Variants in HBS1L observed in about 807,000 individuals in gnomAD.
The protein encoded by HBS1L is HBS1 like translational GTPase.
HBS1L carries 55 observed loss-of-function variants against 88.9 expected under a neutral mutation model. The observed-to-expected ratio is 0.62, with a 90% confidence interval of 0.50 to 0.77. The LOEUF (loss-of-function observed/expected upper bound fraction) is 0.77, where lower values mean the gene tolerates loss of function less well. Ranked by LOEUF, HBS1L falls within the 30% of genes least tolerant of loss-of-function variation. The probability of loss-of-function intolerance (pLI) is 0.00; values close to 1 mark genes in which losing one functional copy is unlikely to be tolerated. For synonymous variants in HBS1L, 267 were observed against 288.5 expected, an observed-to-expected ratio of 0.93 and a Z score of 0.76; for missense variants, 741 against 829.3, an observed-to-expected ratio of 0.89 and a Z score of 1.31.
chr6:135,021,530 C>T (rs1234867937), intron 4 of HBS1L, among the ~76,000 whole-genome samples: 1 of 151,950 alleles, frequency 6.6e-6, no homozygotes, highest in African/African-American at 2.4e-5. Flanking sequence ...TACCAATTCT[C>T]TATACATGAA....
intron 8 of HBS1L, among the ~76,000 whole-genome samples, chr6:134,989,514 T>C (rs1453574511): frequency 6.6e-6 from 1 of 152,222 alleles, no homozygotes; most frequent in African/African-American, 2.4e-5. Context: ...GACCCTTTAC[T>C]TCTGTGCTCT....
intron 4 of HBS1L, chr6:135,036,817 G>GGT (rs1306980631): frequency 1.3e-6 from 2 of 1,551,656 alleles, no homozygotes; most frequent in Non-Finnish European, 1.7e-6. Context: ...GAGAGAAAAA[G>GGT]GTGGTTTCCT....
Position 134,969,243 on chromosome 6 carries a change from CT to C in HBS1L, c.1892del (p.Lys631SerfsTer5), listed in dbSNP as rs1420560073. 1 of 1,605,372 alleles carries C rather than the reference CT, an allele frequency of 6.2e-7. No individual in the cohort carries two copies. The highest frequency in any genetic ancestry group is 2.2e-5 in the East Asian group (1 of 44,796). On this transcript the variant is annotated frameshift_variant, in exon 16 of 18. Coordinates refer to ENST00000367837, the MANE Select transcript of HBS1L (RefSeq NM_006620.4). LOFTEE classifies it high-confidence loss of function. ...TTCTGTATTAAAACACTCACTTAGG[CT>C]TTTTCTTTGTGACTTCACCCGTGCT... is the stretch of plus-strand genomic sequence containing the variant. ...NKSTGEVTKK[K>X]PKFLTKGQNA...
rs1774268214 is a variant in HBS1L, at chr6:134,964,957, A to G, written c.*322T>C. On this transcript the variant is annotated 3_prime_UTR_variant, in exon 18 of 18. Transcript: ENST00000367837. ...GCAAATACATTGTGCTTTGGCCAGAAGTAGAGTTCATTTCATGATGATTCA... is the reference window on the plus strand; with the variant it reads ...GCAAATACATTGTGCTTTGGCCAGAGGTAGAGTTCATTTCATGATGATTCA... 1 of 362,568 alleles carries G rather than the reference A, an allele frequency of 2.8e-6. No individual in the cohort carries two copies. Among genetic ancestry groups the G allele is most frequent in the Admixed American group, 4.6e-5 (1 of 21,916 alleles). The allele number at this position is 362,568 out of a possible 1,614,324, so 22.5% of individuals were successfully genotyped here. A position where few individuals can be genotyped will look rare whatever the true frequency, so the allele number is the denominator to read the frequency against.
chr6:135,003,779 T>C (rs138135764), intron 4 of HBS1L, among the ~76,000 whole-genome samples: 2,104 of 152,104 alleles, frequency 0.014, 66 homozygotes, highest in African/African-American at 0.048. Context: ...GCAGGAGAAC[T>C]GCTTGAACCC....
Position 134,960,579 on chromosome 6 carries a change from T to A in HBS1L, c.*4700A>T, listed in dbSNP as rs535957346. ...GTTATTAATATGAAATTCTCTTAAT[T>A]TTTTTTTACTTGCTTTAAATTCTTT... On this transcript the variant is annotated 3_prime_UTR_variant, in exon 18 of 18. Coordinates refer to ENST00000367837, the MANE Select transcript of HBS1L (RefSeq NM_006620.4). 13 of 152,070 alleles carry A rather than the reference T, an allele frequency of 8.5e-5. No homozygotes were observed. Among genetic ancestry groups the A allele is most frequent in the African/African-American group, 3.1e-4 (13 of 41,528 alleles). The allele number at this position is 152,070 out of a possible 1,614,324, so 9.4% of individuals were successfully genotyped here.
Position 134,961,420 on chromosome 6 carries a change from C to T in HBS1L, c.*3859G>A, listed in dbSNP as rs1415349061. 1 of 152,184 alleles carries T rather than the reference C, an allele frequency of 6.6e-6. No homozygotes were observed. Among genetic ancestry groups the T allele is most frequent in the Non-Finnish European group, 1.5e-5 (1 of 68,026 alleles). The allele number at this position is 152,184 out of a possible 1,614,324, so 9.4% of individuals were successfully genotyped here. ...AGCATTCACACTAGGCGGTGGCGTT[C>T]TCCTGCTGAACATTTAACAATTCTC... On this transcript the variant is annotated 3_prime_UTR_variant, in exon 18 of 18. Transcript: ENST00000367837.
chr6:135,013,715 GACTTT>G (rs747979929), intron 4 of HBS1L, among the ~76,000 whole-genome samples: 7 of 152,104 alleles, frequency 4.6e-5, no homozygotes, highest in Non-Finnish European at 5.9e-5. Flanking sequence ...ATATTTAAGA[GACTTT>G]ACTTTAAAAG....
At position 134,997,459 on chromosome 6, in the gene HBS1L, TCTATTTGCTGC is replaced by T; in HGVS notation, c.726_736del (p.Gln243CysfsTer24). On this transcript the variant is annotated frameshift_variant, in exon 6 of 18. Transcript: ENST00000367837. LOFTEE classifies it high-confidence loss of function. The stretch of plus-strand genomic sequence containing the variant: ...CCGCTTCTCCAGTTCCGCCTTCACA[TCTATTTGCTGC>T]CTCAGCTTGCCAGACTTTTTCACCG... 1 of 1,614,038 alleles carries T rather than the reference TCTATTTGCTGC, an allele frequency of 6.2e-7. No individual in the cohort carries two copies. Among genetic ancestry groups the T allele is most frequent in the Non-Finnish European group, 8.5e-7 (1 of 1,179,990 alleles).
At chr6:135,050,875 T>A (rs963701984) in intron 1 of HBS1L, among the ~76,000 whole-genome samples, 5 of 152,242 alleles carry the variant, frequency 3.3e-5, no homozygotes, top group East Asian at 1.9e-4. Flanking sequence ...TTAAATTAAT[T>A]GGGTTTACCC....
intron 4 of HBS1L, among the ~76,000 whole-genome samples, chr6:135,029,182 T>G (rs1299084882): frequency 6.6e-6 from 1 of 152,098 alleles, no homozygotes; most frequent in Non-Finnish European, 1.5e-5. Context: ...TATCTTGTAG[T>G]GGAGCATAAC....
chr6:135,034,537 G>A (rs778092824), intron 4 of HBS1L, among the ~76,000 whole-genome samples: 5 of 152,128 alleles, frequency 3.3e-5, no homozygotes, highest in African/African-American at 7.2e-5. Context: ...CCAGCTACTC[G>A]GGGGGCTGAC....
intron 4 of HBS1L, among the ~76,000 whole-genome samples, chr6:135,034,274 TTATC>T (rs1776466555): frequency 6.6e-6 from 1 of 152,062 alleles, no homozygotes; most frequent in African/African-American, 2.4e-5. Context: ...ATACAAAAAA[TTATC>T]AAATGCACAG....
At chr6:134,985,077 T>C (rs1774940293) in intron 12 of HBS1L, among the ~76,000 whole-genome samples, 1 of 152,050 alleles carries the variant, frequency 6.6e-6, no homozygotes, top group African/African-American at 2.4e-5. Context: ...AAAAAAAAAC[T>C]ATAAAGTTAG....
chr6:135,010,574 G>A (rs573537048), intron 4 of HBS1L, among the ~76,000 whole-genome samples: 1 of 152,246 alleles, frequency 6.6e-6, no homozygotes, highest in Admixed American at 6.5e-5. Flanking sequence ...CAATAAATAT[G>A]TATCTAGCCA....
intron 8 of HBS1L, among the ~76,000 whole-genome samples, chr6:134,988,987 T>C (rs1775057909): frequency 6.6e-6 from 1 of 152,220 alleles, no homozygotes; most frequent in South Asian, 2.1e-4. Flanking sequence ...GTGGACCATC[T>C]TGTGAATCAG....
At chr6:135,010,158 A>G (rs542218145) in intron 4 of HBS1L, among the ~76,000 whole-genome samples, 2 of 152,138 alleles carry the variant, frequency 1.3e-5, no homozygotes, top group African/African-American at 2.4e-5. Flanking sequence ...GATATCTTCT[A>G]TACACAAGGG....
chr6:135,009,226 A>G (rs893950214), intron 4 of HBS1L, among the ~76,000 whole-genome samples: 4 of 152,216 alleles, frequency 2.6e-5, no homozygotes, highest in African/African-American at 9.7e-5. Flanking sequence ...GGCCTGTGAC[A>G]TAGCTAAATT....
chr6:134,982,180 T>C (rs950284305), intron 13 of HBS1L: 23 of 324,140 alleles, frequency 7.1e-5, no homozygotes, highest in Non-Finnish European at 1.2e-4. Flanking sequence ...TCTATACATA[T>C]CTGATTAAAT....
Sources: gnomAD v4.1 joint callset for allele counts (sites outside exome capture counted in the v4.1 genomes callset) on GRCh38, gnomAD v4.1.1 for gene constraint, MANE v1.5 for transcripts, NCBI Gene and HGNC (gene_info 2026-07-23, HGNC 2026-07-21) for gene names.